TULP4: variants seen among roughly 807,000 people sequenced by gnomAD.
TULP4 encodes the protein tubby-related protein 4.
A neutral mutation model predicts 129.0 loss-of-function variants in TULP4; 16 were observed. The ratio of observed to expected loss-of-function variants is 0.12; its 90% CI spans 0.08 to 0.19. The LOEUF (loss-of-function observed/expected upper bound fraction) is 0.19, where lower values mean the gene tolerates loss of function less well. Among genes scored for constraint, TULP4 ranks in the 10% least tolerant of loss-of-function variants. The pLI is 1.00. For missense variants in TULP4, 1,842 were observed against 2,059.1 expected (o/e 0.89, Z 2.04); for synonymous variants, 998 against 854.0 (o/e 1.17, Z -2.94).
At chr6:158,451,219 G>A (rs536105469) in intron 4 of TULP4, among the ~76,000 whole-genome samples, 2 of 152,190 alleles carry the variant, frequency 1.3e-5, no homozygotes, top group Non-Finnish European at 2.9e-5. Flanking sequence ...AAGCAGGGGG[G>A]GCAGTTTAGA....
chr6:158,453,540 C>T (rs1289014385), intron 5 of TULP4, among the ~76,000 whole-genome samples: 1 of 147,826 alleles, frequency 6.8e-6, no homozygotes, highest in Non-Finnish European at 1.5e-5. Flanking sequence ...CCTGTAATCC[C>T]AGCACTTTGG....
intron 1 of TULP4, among the ~76,000 whole-genome samples, chr6:158,260,203 G>C (rs563313445): frequency 4.7e-4 from 72 of 152,268 alleles, no homozygotes; most frequent in African/African-American, 1.6e-3. Flanking sequence ...GGTCAGAAGT[G>C]ACTCTTCACA....
At position 158,291,366 on chromosome 6, in the gene TULP4, A is replaced by G. The variant is rs1270760717; in HGVS notation, n.116+8988A>G. 2.0e-5 allele frequency among the ~76,000 whole-genome samples: 3 copies of G among 152,226 alleles called. No homozygotes were observed. The East Asian group carries it at 5.8e-4, about 29-fold the overall frequency. ...TTGAGTGCTTTGAAGATACTATTTCATTGATTTTGGCAGCCAGTGCCGCTG... is the reference window on the plus strand; with the variant it reads ...TTGAGTGCTTTGAAGATACTATTTCGTTGATTTTGGCAGCCAGTGCCGCTG... On this transcript the variant is annotated intron_variant and non_coding_transcript_variant, in intron 1 of 1. Transcript: ENST00000432358.
intron 1 of TULP4, among the ~76,000 whole-genome samples, chr6:158,329,981 A>G (rs1308209318): frequency 6.6e-6 from 1 of 152,178 alleles, no homozygotes; most frequent in Non-Finnish European, 1.5e-5. Flanking sequence ...CAATAGAAAC[A>G]TAATATTAAC....
chr6:158,293,377 C>T (rs827866), intron 1 of TULP4, among the ~76,000 whole-genome samples: 20,282 of 152,196 alleles, frequency 0.13, 1,720 homozygotes, highest in African/African-American at 0.23. Context: ...TCCCACTTCC[C>T]TAAACTGAGG....
chr6:158,453,485 CAAAAAAAAAAAAA>C (rs869146924), intron 5 of TULP4, among the ~76,000 whole-genome samples: 1 of 17,978 alleles, frequency 5.6e-5, no homozygotes, highest in African/African-American at 2.1e-4. Flanking sequence ...CTCTGTCTCA[CAAAAAAAAAAAAA>C]AAAAAAAAAA....
At chr6:158,451,603 C>G (rs1215476838) in intron 4 of TULP4, among the ~76,000 whole-genome samples, 1 of 152,180 alleles carries the variant, frequency 6.6e-6, no homozygotes, top group African/African-American at 2.4e-5. Context: ...CAGCAAGCCT[C>G]TATGAGCCAC....
At chr6:158,350,025 G>T (rs1780466910) in intron 1 of TULP4, among the ~76,000 whole-genome samples, 1 of 141,944 alleles carries the variant, frequency 7.0e-6, no homozygotes, top group Non-Finnish European at 1.5e-5. Context: ...GGGGCAGCCG[G>T]GCAGAGGCGC....
chr6:158,241,505 G>C lies in TULP4; in HGVS notation n.68+9202G>C, dbSNP rs560682909. Among the ~76,000 whole-genome samples the C allele has an allele frequency of 8.5e-5, 13 of 152,126 alleles. No homozygotes were observed. In the South Asian group the frequency reaches 2.7e-3, roughly 32 times the overall value. On this transcript the variant is annotated intron_variant and non_coding_transcript_variant, in intron 1 of 1. Coordinates refer to the TULP4 transcript ENST00000620026. ...CGTCTGCAATCCCGGCACCTCGGGA[G>C]GCCAAGGCTGGCGGATCACTCGCGG...
rs765709618 is a variant in TULP4 at position 158,448,984 on chromosome 6, C to T, written c.544-12C>T. 6.3e-7 allele frequency: 1 copy of T among 1,598,406 alleles called. No homozygotes were observed. ...CTGCCACTTGGTCAGAGGTCCCCAT[C>T]CTGGATTGCAGGTGCTGTTTGGCAC... On this transcript the variant is annotated splice_polypyrimidine_tract_variant and intron_variant, in intron 3 of 13. Transcript: ENST00000367097.
At chr6:158,340,501 AG>A (rs1780155648) in intron 1 of TULP4, among the ~76,000 whole-genome samples, 3 of 152,000 alleles carry the variant, frequency 2.0e-5, no homozygotes, top group African/African-American at 7.3e-5. Context: ...TCTGGAGGAA[AG>A]GGGTGGTTCC....
intron 8 of TULP4, among the ~76,000 whole-genome samples, chr6:158,487,515 G>A (rs1169611917): frequency 6.6e-6 from 1 of 152,238 alleles, no homozygotes; most frequent in African/African-American, 2.4e-5. Flanking sequence ...GAATTGAGAT[G>A]TAAAGCCCCA....
intron 1 of TULP4, among the ~76,000 whole-genome samples, chr6:158,286,536 GT>G (rs1440616468): frequency 6.6e-6 from 1 of 152,050 alleles, no homozygotes; most frequent in Non-Finnish European, 1.5e-5. Context: ...GAAATTTTCT[GT>G]GTTACCATGG....
intron 2 of TULP4, among the ~76,000 whole-genome samples, chr6:158,424,890 G>C (rs1193115869): frequency 1.3e-5 from 2 of 151,428 alleles, no homozygotes; most frequent in Admixed American, 6.6e-5. Context: ...ACGGTGGCTC[G>C]TACCGGTAAT....
intron 1 of TULP4, among the ~76,000 whole-genome samples, chr6:158,357,206 G>A (rs1780669654): frequency 6.6e-6 from 1 of 152,170 alleles, no homozygotes; most frequent in African/African-American, 2.4e-5. Context: ...TGGATTTTGT[G>A]ACTCTTCGAG....
chr6:158,340,858 GC>G (rs1314865090), intron 1 of TULP4, among the ~76,000 whole-genome samples: 4 of 152,302 alleles, frequency 2.6e-5, no homozygotes, highest in African/African-American at 7.2e-5. Context: ...TTGAGTTAGA[GC>G]CTTTGTGGGA....
In TULP4 at chr6:158,502,265, G is replaced by A. The variant is rs1366854315; in HGVS notation, c.2602G>A (p.Gly868Ser). Residue 868 changes from glycine (G) to serine (S), a missense_variant, in exon 13 of 14, where the codon GGC becomes AGC. Physicochemically the swap from Gly to Ser is moderately conservative, Grantham distance 56 (BLOSUM62 0). Transcript: ENST00000367097. ...QPPVDVCLKK[G>S]DFSLYPTSVH... ...CCCAGTGGATGTGTGCTTGAAGAAG[G>A]GCGACTTCTCCCTCTACCCCACGTC... 3 of 1,607,632 alleles carry A rather than the reference G, an allele frequency of 1.9e-6. No homozygotes were observed. Among genetic ancestry groups the A allele is most frequent in the African/African-American group, 1.3e-5 (1 of 74,082 alleles).
chr6:158,236,105 T>A (rs550607010), intron 1 of TULP4, among the ~76,000 whole-genome samples: 3 of 152,348 alleles, frequency 2.0e-5, no homozygotes, highest in Non-Finnish European at 4.4e-5. Context: ...AATGGAAAGG[T>A]ATATTCATTT....
At chr6:158,372,164 C>CTT (rs67123255) in intron 1 of TULP4, among the ~76,000 whole-genome samples, 20,546 of 83,066 alleles carry the variant, frequency 0.25, 3,473 homozygotes, top group East Asian at 0.59. Flanking sequence ...ATTCTATCTG[C>CTT]TTTTTTTTTT....
Sources: gnomAD v4.1 joint callset for allele counts (sites outside exome capture counted in the v4.1 genomes callset) on GRCh38, gnomAD v4.1.1 for gene constraint, MANE v1.5 for transcripts, NCBI Gene and HGNC (gene_info 2026-07-23, HGNC 2026-07-21) for gene names.